UTP20: variants seen among roughly 807,000 people sequenced by gnomAD.
The protein encoded by UTP20 is UTP20 small subunit processome component.
Under a neutral mutation model 329.5 loss-of-function variants are expected in UTP20, and 164 were observed. The ratio of observed to expected loss-of-function variants is 0.50; its 90% CI spans 0.44 to 0.57. UTP20 has a LOEUF of 0.57. Among genes scored for constraint, UTP20 ranks in the 20% least tolerant of loss-of-function variants. The probability of loss-of-function intolerance (pLI) is 0.00; values close to 1 mark genes in which losing one functional copy is unlikely to be tolerated. For synonymous variants in UTP20, 1,151 were observed against 1,159.3 expected, an observed-to-expected ratio of 0.99 and a Z score of 0.14; for missense variants, 3,055 against 3,284.2, an observed-to-expected ratio of 0.93 and a Z score of 1.71.
At position 101,365,609 on chromosome 12, in the gene UTP20, T is replaced by A; in HGVS notation, c.6109T>A (p.Leu2037Ile). The stretch of plus-strand genomic sequence containing the variant: ...TTTGATCAGTGAAAATCTTCCCCTG[T>A]TAACAGAGAAAGAAAAGTAAGTTGG... ...YGLISENLPL[L>I]TEKEKNPVAP... The change falls in exon 46 of 62, where the codon TTA (leucine) becomes ATA (isoleucine). Residue 2037 changes from leucine to isoleucine, a missense_variant. Physicochemically the swap from Leu to Ile is conservative, Grantham distance 5. Coordinates refer to ENST00000261637, the MANE Select transcript of UTP20 (RefSeq NM_014503.3). 6.4e-7 allele frequency: 1 copy of A among 1,567,596 alleles called. No individual in the cohort carries two copies. The highest frequency in any genetic ancestry group is 8.6e-7 in the Non-Finnish European group (1 of 1,164,012).
chr12:101,293,154 T>C lies in UTP20; in HGVS notation c.1174-14T>C, dbSNP rs373149537. 9.9e-6 allele frequency: 16 copies of C among 1,612,656 alleles called. No individual in the cohort carries two copies. In the African/African-American group the frequency reaches 1.7e-4, roughly 17 times the overall value. On this transcript the variant is annotated splice_polypyrimidine_tract_variant and intron_variant, in intron 10 of 61. Coordinates refer to ENST00000261637, the MANE Select transcript of UTP20 (RefSeq NM_014503.3). Reference sequence around the variant, plus strand: ...TCTGTGTACTTACATTAATATTTTTTACCTTGGTCACAGATATTTGAGAGC... The same window carrying C: ...TCTGTGTACTTACATTAATATTTTTCACCTTGGTCACAGATATTTGAGAGC...
At position 101,320,805 on chromosome 12, in the gene UTP20, G is replaced by A. The variant is rs547733765; in HGVS notation, c.2830-47G>A. Reference sequence around the variant, plus strand: ...ACCACAAGTAAATTGCTATCCTATGGTATATGTATATATGACTTCATTAAT... The same window carrying A: ...ACCACAAGTAAATTGCTATCCTATGATATATGTATATATGACTTCATTAAT... On this transcript the variant is annotated intron_variant, in intron 23 of 61. Coordinates refer to ENST00000261637, the MANE Select transcript of UTP20 (RefSeq NM_014503.3). 6.9e-5 allele frequency: 104 copies of A among 1,498,816 alleles called. 2 individuals carry two copies. The South Asian group carries it at 1.2e-3, about 17-fold the overall frequency. 92.8% of individuals were successfully genotyped at this position (1,498,816 alleles called of 1,614,324 possible).
In UTP20 at chr12:101,338,080, C is replaced by G. The variant is rs1868990044; in HGVS notation, c.3671C>G (p.Pro1224Arg). ...TTCCCTTTGCTGGCTAAACAGAAGC[C>G]TGGGCACCCAGAATGTGATATCCTG... ...RYFPLLAKQK[P>R]GHPECDILTN... Residue 1224 changes from proline to arginine, a missense_variant, in exon 30 of 62, where the codon CCT becomes CGT. Pro to Arg is a moderately radical substitution (Grantham distance 103). Coordinates refer to ENST00000261637, the MANE Select transcript of UTP20 (RefSeq NM_014503.3). 6.2e-7 allele frequency: 1 copy of G among 1,613,998 alleles called. No individual in the cohort carries two copies. The highest frequency in any genetic ancestry group is 1.3e-5 in the African/African-American group (1 of 74,914).
rs765247955 is a variant in UTP20 at position 101,309,855 on chromosome 12, A to C, written c.2231+16A>C. On this transcript the variant is annotated intron_variant, in intron 19 of 61. Transcript: ENST00000261637. Reference sequence around the variant, plus strand: ...AACTCATAAGGTAAACATGGGTTAAATGGGATGAAACTATTATACTTTAAC... The same window carrying C: ...AACTCATAAGGTAAACATGGGTTAACTGGGATGAAACTATTATACTTTAAC... The C allele has an allele frequency of 7.2e-5, 116 of 1,606,680 alleles. No individual in the cohort carries two copies. The highest frequency in any genetic ancestry group is 9.4e-5 in the Non-Finnish European group (110 of 1,174,142).
chr12:101,329,305 A>G lies in UTP20; in HGVS notation c.3273A>G (p.Leu1091=). 2 of 1,614,202 alleles carry G rather than the reference A, an allele frequency of 1.2e-6. No homozygotes were observed. The highest frequency in any genetic ancestry group is 1.7e-6 in the Non-Finnish European group (2 of 1,180,038). ...EDLDLSKVLP[L]GRQHGILNSL... is the part of the protein sequence containing the mutation. ...TGGATTTGTCTAAAGTTCTTCCTTT[A>G]GGTCGTCAGCACGGTATCTTAAACA... Residue 1091 remains leucine (L), a synonymous_variant, in exon 27 of 62, where the codon TTA becomes TTG. Coordinates refer to ENST00000261637, the MANE Select transcript of UTP20 (RefSeq NM_014503.3).
intron 45 of UTP20, among the ~76,000 whole-genome samples, chr12:101,364,852 G>A (rs1049793669): frequency 3.9e-5 from 6 of 152,072 alleles, no homozygotes; most frequent in East Asian, 3.8e-4. Flanking sequence ...ACATATATCC[G>A]TGATGTATAT....
At chr12:101,374,228 C>G (rs1870399541) in intron 54 of UTP20, among the ~76,000 whole-genome samples, 1 of 150,360 alleles carries the variant, frequency 6.7e-6, no homozygotes, top group Admixed American at 6.6e-5. Flanking sequence ...GAGCGAGACT[C>G]CGTCTCAAAA....
intron 21 of UTP20, 152 bp from the exon 22 acceptor site, chr12:101,317,326 A>T (rs907026248): frequency 9.7e-6 from 7 of 724,372 alleles, no homozygotes; most frequent in Admixed American, 9.6e-5. Context: ...AAGTTAGGAA[A>T]GAGTAATATT....
intron 50 of UTP20, 86 bp from the exon 51 acceptor site, chr12:101,370,972 C>T: frequency 4.5e-6 from 5 of 1,102,912 alleles, no homozygotes; most frequent in Non-Finnish European, 6.7e-6. Context: ...TGAAAATGTC[C>T]TGTGGTTGCT....
In UTP20 at chr12:101,338,921, G is replaced by A; in HGVS notation, c.3977G>A (p.Arg1326Lys). The change falls in exon 31 of 62, where the codon AGA becomes AAA. Residue 1326 changes from arginine (R) to lysine (K), a missense_variant. This residue lies in a region of UTP20 where 2,445 missense variants were observed against 2,575.5 expected (regional missense o/e 0.95). Coordinates refer to ENST00000261637, the MANE Select transcript of UTP20 (RefSeq NM_014503.3). ...GAAAAGGTGAAAAAGAAAAAGAATA[G>A]AGCACAAGTCAGTAAAGAGCTTGGC... Reference protein sequence around the residue: ...SAEKVKKKKNRAQVSKELGIL... With the variant: ...SAEKVKKKKNKAQVSKELGIL... 6.2e-7 allele frequency: 1 copy of A among 1,609,226 alleles called. No homozygotes were observed. The highest frequency in any genetic ancestry group is 8.5e-7 in the Non-Finnish European group (1 of 1,178,826).
chr12:101,347,664 A>G (rs934161559), intron 38 of UTP20, among the ~76,000 whole-genome samples: 1 of 152,214 alleles, frequency 6.6e-6, no homozygotes, highest in African/African-American at 2.4e-5. Context: ...TTGTTTCAGG[A>G]TATTCAAAAT....
At chr12:101,333,041 G>C (rs1357136088) in intron 27 of UTP20, among the ~76,000 whole-genome samples, 2 of 152,214 alleles carry the variant, frequency 1.3e-5, no homozygotes, top group African/African-American at 4.8e-5. Flanking sequence ...AACTATTCCA[G>C]TTGTAATATT....
intron 28 of UTP20, 77 bp downstream of exon 28, chr12:101,333,521 C>A (rs1358495564): frequency 6.5e-7 from 1 of 1,530,148 alleles, no homozygotes; most frequent in Non-Finnish European, 8.8e-7. Flanking sequence ...ATAGCTACCA[C>A]CCAGACATGA....
At chr12:101,356,170 A>C (rs1272962029) in intron 41 of UTP20, among the ~76,000 whole-genome samples, 1 of 152,192 alleles carries the variant, frequency 6.6e-6, no homozygotes, top group Admixed American at 6.5e-5. Flanking sequence ...CTTGTTGCCC[A>C]GGCTGGAGTG....
chr12:101,321,606 A>G lies in UTP20; in HGVS notation c.3018A>G (p.Ala1006=). The G allele has an allele frequency of 6.2e-7, 1 of 1,613,664 alleles. No individual in the cohort carries two copies. The highest frequency in any genetic ancestry group is 8.5e-7 in the Non-Finnish European group (1 of 1,179,750). Residue 1006 remains alanine, a synonymous_variant, in exon 25 of 62, where the codon GCA becomes GCG. Coordinates refer to ENST00000261637, the MANE Select transcript of UTP20 (RefSeq NM_014503.3). The part of the protein sequence containing the change: ...DNAVVKTAHR[A]DLFPILMRIL... ...CTGTAGTGAAAACAGCCCACCGAGC[A>G]GATCTATTTCCTATTCTGATGAGGT... is the stretch of plus-strand genomic sequence containing the variant.
intron 37 of UTP20, 28 bp from the exon 38 acceptor site, chr12:101,346,423 A>G: frequency 6.4e-7 from 1 of 1,560,402 alleles, no homozygotes; most frequent in Non-Finnish European, 8.6e-7. Context: ...TTATTCGGTA[A>G]CTAATTCATA....
intron 51 of UTP20, among the ~76,000 whole-genome samples, chr12:101,371,945 GC>G (rs1221749059): frequency 6.6e-6 from 1 of 152,132 alleles, no homozygotes; most frequent in African/African-American, 2.4e-5. Flanking sequence ...CACATACTGT[GC>G]CCAAAGAGGT....
chr12:101,379,487 A>G lies in UTP20; in HGVS notation c.7513A>G (p.Thr2505Ala), dbSNP rs1020137666. The G allele has an allele frequency of 1.1e-5, 17 of 1,614,072 alleles. No homozygotes were observed. The highest frequency in any genetic ancestry group is 1.4e-5 in the Non-Finnish European group (17 of 1,180,024). ...AGAGGAGCTTATTCAAAAATGGAAT[A>G]CCAAAAAGACCAAAAAACACCTCCC... ...QPEELIQKWN[T>A]KKTKKHLPEP... The change falls in exon 57 of 62, where the codon ACC becomes GCC. Residue 2505 changes from threonine (T) to alanine (A), a missense_variant. Transcript: ENST00000261637.
rs753738063 is a variant in UTP20 at position 101,373,423 on chromosome 12, G to C, written c.6901G>C (p.Glu2301Gln). 1.2e-6 allele frequency: 2 copies of C among 1,614,172 alleles called. No homozygotes were observed. Among genetic ancestry groups the C allele is most frequent in the African/African-American group, 1.3e-5 (1 of 75,030 alleles). Residue 2301 changes from glutamate (E) to glutamine (Q), a missense_variant, in exon 53 of 62, where the codon GAG becomes CAG. Transcript: ENST00000261637. ...QLNYEHETGR[E>Q]STLEMIAYLF... Reference sequence around the variant, plus strand: ...TAGTTACGAACATGAGACCGGGAGAGAGTCCACCTTGGAAATGATCGCCTA... The same window carrying C: ...TAGTTACGAACATGAGACCGGGAGACAGTCCACCTTGGAAATGATCGCCTA...
Sources: gnomAD v4.1 joint callset for allele counts (sites outside exome capture counted in the v4.1 genomes callset) on GRCh38, gnomAD v4.1.1 for gene constraint, gnomAD v4.1.1 regional missense constraint, MANE v1.5 for transcripts, NCBI Gene and HGNC (gene_info 2026-07-23, HGNC 2026-07-21) for gene names.